The following GRIA4 variants were observed in gnomAD, a reference collection of about 807,000 sequenced individuals.
GRIA4 encodes the protein glutamate ionotropic receptor AMPA type subunit 4, also known as glutamate receptor 4.
A neutral mutation model predicts 104.0 loss-of-function variants in GRIA4; 34 were observed. The ratio of observed to expected loss-of-function variants is 0.33; its 90% confidence interval spans 0.25 to 0.44. The LOEUF is 0.44. Ranked by LOEUF, GRIA4 falls within the 20% of genes least tolerant of loss-of-function variation. GRIA4 has a pLI of 1.00. For missense variants in GRIA4, 750 were observed against 1,096.5 expected (o/e 0.68, Z 4.46); for synonymous variants, 386 against 381.9 (o/e 1.01, Z -0.13).
At position 105,979,870 on chromosome 11, in the gene GRIA4, C is replaced by A; in HGVS notation, c.*131C>A. ...GCTGAGAGCGGGAAGTCCGTCCTAA[C>A]GCGCTGGCCGGACATCAGCAGCAGC... On this transcript the variant is annotated 3_prime_UTR_variant, in exon 17 of 17. Transcript: ENST00000282499. 1.6e-6 allele frequency: 1 copy of A among 616,542 alleles called. No individual in the cohort carries two copies. The highest frequency in any genetic ancestry group is 2.8e-6 in the Non-Finnish European group (1 of 355,286). 38.2% of individuals were successfully genotyped at this position (616,542 alleles called of 1,614,324 possible).
At chr11:105,684,784 T>C (rs1952822254) in intron 3 of GRIA4, among the ~76,000 whole-genome samples, 1 of 151,704 alleles carries the variant, frequency 6.6e-6, no homozygotes, top group Non-Finnish European at 1.5e-5. Context: ...ACTGTTTAAA[T>C]TGACGTATCA....
intron 3 of GRIA4, among the ~76,000 whole-genome samples, chr11:105,678,798 T>C (rs1212529372): frequency 6.6e-6 from 1 of 152,120 alleles, no homozygotes; most frequent in African/African-American, 2.4e-5. Context: ...GGTAAAAGTA[T>C]ATTATTTGCA....
chr11:105,952,353 T>G (rs559703193), intron 14 of GRIA4, among the ~76,000 whole-genome samples: 1 of 152,216 alleles, frequency 6.6e-6, no homozygotes, highest in African/African-American at 2.4e-5. Flanking sequence ...TGACCCAAAG[T>G]AGGTAAAAAA....
chr11:105,907,113 C>T (rs1947067229), intron 9 of GRIA4, among the ~76,000 whole-genome samples: 2 of 152,190 alleles, frequency 1.3e-5, no homozygotes, highest in African/African-American at 4.8e-5. Context: ...CTGGTGCTAA[C>T]TAGCAGTAAT....
At chr11:105,869,564 A>C (rs1005830888) in intron 5 of GRIA4, among the ~76,000 whole-genome samples, 1 of 152,152 alleles carries the variant, frequency 6.6e-6, no homozygotes, top group African/African-American at 2.4e-5. Flanking sequence ...TCTACTCCTC[A>C]AATGTTTTAA....
intron 4 of GRIA4, among the ~76,000 whole-genome samples, chr11:105,859,512 C>G (rs576213951): frequency 6.6e-6 from 1 of 152,022 alleles, no homozygotes; most frequent in Non-Finnish European, 1.5e-5. Flanking sequence ...GGTAAGTGGG[C>G]ATATCTATAA....
chr11:105,862,432 T>C lies in GRIA4; in HGVS notation c.672+224T>C, dbSNP rs549022351. On this transcript the variant is annotated intron_variant, in intron 5 of 16. Coordinates refer to ENST00000282499, the MANE Select transcript of GRIA4 (RefSeq NM_000829.4). ...TATTTAGAAAGCTATTTCTCACATATTCTTAAGACTTGAATGAGTGAAAGA... is the reference window on the plus strand; with the variant it reads ...TATTTAGAAAGCTATTTCTCACATACTCTTAAGACTTGAATGAGTGAAAGA... 8.4e-4 allele frequency: 351 copies of C among 417,998 alleles called. 1 individual carries two copies. The highest frequency in any genetic ancestry group is 2.5e-3 in the Middle Eastern group (4 of 1,594). The allele number at this position is 417,998 out of a possible 1,614,324, so 25.9% of individuals were successfully genotyped here.
chr11:105,763,246 G>A (rs1055942870), intron 4 of GRIA4, among the ~76,000 whole-genome samples: 1 of 152,092 alleles, frequency 6.6e-6, no homozygotes, highest in Admixed American at 6.6e-5. Context: ...AGGTGAAAAA[G>A]TTAATGGAGT....
chr11:105,794,498 T>C (rs1261029921), intron 4 of GRIA4, among the ~76,000 whole-genome samples: 1 of 120,058 alleles, frequency 8.3e-6, no homozygotes. Flanking sequence ...TATATATATA[T>C]ATATATATAT....
At chr11:105,842,344 T>C (rs554326996) in intron 4 of GRIA4, among the ~76,000 whole-genome samples, 6 of 152,176 alleles carry the variant, frequency 3.9e-5, no homozygotes, top group African/African-American at 1.4e-4. Flanking sequence ...GATATGACTT[T>C]AAATTAAACA....
chr11:105,723,395 T>C (rs1937965426), intron 3 of GRIA4, among the ~76,000 whole-genome samples: 1 of 152,032 alleles, frequency 6.6e-6, no homozygotes, highest in African/African-American at 2.4e-5. Flanking sequence ...AATAAAAATA[T>C]AAATTTTATG....
chr11:105,974,629 A>G, intron 16 of GRIA4, 185 bp downstream of exon 16: 4 of 1,432,128 alleles, frequency 2.8e-6, no homozygotes, highest in East Asian at 2.3e-5. Flanking sequence ...CTGTCTGTCC[A>G]GTGGTGGTAT....
chr11:105,645,901 A>G (rs544871155), intron 3 of GRIA4, among the ~76,000 whole-genome samples: 1 of 152,340 alleles, frequency 6.6e-6, no homozygotes, highest in Admixed American at 6.5e-5. Context: ...CTCTACATAG[A>G]AAGAGTTTGT....
chr11:105,632,751 CA>C (rs1176348897), intron 3 of GRIA4, among the ~76,000 whole-genome samples: 4 of 152,098 alleles, frequency 2.6e-5, no homozygotes, highest in Non-Finnish European at 5.9e-5. Flanking sequence ...CTGGGCAACA[CA>C]GCGGGACCCC....
At chr11:105,800,692 C>T (rs1024344247) in intron 4 of GRIA4, among the ~76,000 whole-genome samples, 1 of 151,952 alleles carries the variant, frequency 6.6e-6, no homozygotes, top group Non-Finnish European at 1.5e-5. Context: ...TCATTTATTT[C>T]CATAGTAAGC....
intron 3 of GRIA4, among the ~76,000 whole-genome samples, chr11:105,635,513 T>G (rs1951180364): frequency 6.6e-6 from 1 of 152,188 alleles, no homozygotes; most frequent in African/African-American, 2.4e-5. Flanking sequence ...GAAATTACAC[T>G]TTTGATAAAG....
intron 14 of GRIA4, among the ~76,000 whole-genome samples, chr11:105,967,703 C>CAA (rs5794444): frequency 0.015 from 2,184 of 146,162 alleles, 33 homozygotes; most frequent in East Asian, 0.045. Context: ...GTTTGTATAC[C>CAA]AAAAAAAAAA....
chr11:105,784,364 A>C lies in GRIA4; in HGVS notation c.487+31144A>C, dbSNP rs529736998. 3.9e-5 allele frequency among the ~76,000 whole-genome samples: 6 copies of C among 152,324 alleles called. No individual in the cohort carries two copies. In the East Asian group the frequency reaches 1.2e-3, roughly 29 times the overall value. On this transcript the variant is annotated intron_variant, in intron 4 of 16. Coordinates refer to ENST00000282499, the MANE Select transcript of GRIA4 (RefSeq NM_000829.4). ...CTGTAAATCCCTCATCATTTCTGTA[A>C]TTTACATACAGATTTGATCAATAGT...
At chr11:105,674,569 G>T (rs946592188) in intron 3 of GRIA4, among the ~76,000 whole-genome samples, 1 of 151,738 alleles carries the variant, frequency 6.6e-6, no homozygotes, top group African/African-American at 2.4e-5. Flanking sequence ...CTATGTAGTT[G>T]GACTACATGA....
Sources: gnomAD v4.1 joint callset for allele counts (sites outside exome capture counted in the v4.1 genomes callset) on GRCh38, gnomAD v4.1.1 for gene constraint, MANE v1.5 for transcripts, NCBI Gene and HGNC (gene_info 2026-07-23, HGNC 2026-07-21) for gene names.